The following SEMA6D variants were observed in gnomAD, a reference collection of about 807,000 sequenced individuals.
The protein encoded by SEMA6D is semaphorin 6D, also known as semaphorin-6D.
A neutral mutation model predicts 106.6 loss-of-function variants in SEMA6D; 35 were observed. The observed-to-expected ratio is 0.33, with a 90% CI of 0.25 to 0.44. SEMA6D has a LOEUF of 0.44. Ranked by LOEUF, SEMA6D falls within the 20% of genes least tolerant of loss-of-function variation. The pLI is 1.00. For missense variants in SEMA6D, 1,185 were observed against 1,345.9 expected (o/e 0.88, Z 1.87); for synonymous variants, 499 against 487.7 (o/e 1.02, Z -0.31).
intron 1 of SEMA6D, among the ~76,000 whole-genome samples, chr15:47,228,273 G>A (rs2031944052): frequency 6.6e-6 from 1 of 151,490 alleles, no homozygotes; most frequent in African/African-American, 2.4e-5. Context: ...GCTTTACCAG[G>A]AAGAACATTG....
At chr15:47,556,791 T>C (rs1351507841) in intron 3 of SEMA6D, among the ~76,000 whole-genome samples, 1 of 152,130 alleles carries the variant, frequency 6.6e-6, no homozygotes, top group Non-Finnish European at 1.5e-5. Flanking sequence ...TCTCACAGAA[T>C]TGGACAAAGA....
intron 1 of SEMA6D, among the ~76,000 whole-genome samples, chr15:47,264,053 G>A (rs1366097139): frequency 1.3e-5 from 2 of 151,654 alleles, no homozygotes; most frequent in African/African-American, 4.8e-5. Flanking sequence ...CAGCAACATG[G>A]ATGAAGCTGG....
At chr15:47,386,909 A>G (rs1765629235) in intron 1 of SEMA6D, among the ~76,000 whole-genome samples, 1 of 152,230 alleles carries the variant, frequency 6.6e-6, no homozygotes, top group African/African-American at 2.4e-5. Flanking sequence ...TGCAAATGCA[A>G]TAGGGGTAAG....
At chr15:47,347,057 C>T (rs1488061737) in intron 1 of SEMA6D, among the ~76,000 whole-genome samples, 1 of 152,006 alleles carries the variant, frequency 6.6e-6, no homozygotes, top group African/African-American at 2.4e-5. Context: ...TACAGGCACC[C>T]GCCATCATGT....
intron 1 of SEMA6D, among the ~76,000 whole-genome samples, chr15:47,334,036 T>C (rs2037452192): frequency 6.6e-6 from 1 of 152,182 alleles, no homozygotes; most frequent in Non-Finnish European, 1.5e-5. Flanking sequence ...TTAGGTCTTG[T>C]TGGGTTAAAT....
chr15:47,658,401 A>G (rs977922115), intron 4 of SEMA6D, among the ~76,000 whole-genome samples: 1 of 152,188 alleles, frequency 6.6e-6, no homozygotes, highest in African/African-American at 2.4e-5. Context: ...TCAGCAGGAA[A>G]AAGAAACATT....
At chr15:47,695,402 A>G (rs182439879) in intron 4 of SEMA6D, among the ~76,000 whole-genome samples, 1 of 152,168 alleles carries the variant, frequency 6.6e-6, no homozygotes, top group East Asian at 1.9e-4. Context: ...ATCTCAGCCA[A>G]CACCAGCTGG....
intron 1 of SEMA6D, among the ~76,000 whole-genome samples, chr15:47,383,964 C>T (rs1411347612): frequency 6.6e-6 from 1 of 152,210 alleles, no homozygotes; most frequent in Non-Finnish European, 1.5e-5. Flanking sequence ...TATACAGATT[C>T]ACACACATAG....
chr15:47,439,814 C>T lies in SEMA6D; in HGVS notation c.-159+27342C>T, dbSNP rs535186935. On this transcript the variant is annotated intron_variant, in intron 2 of 19. Transcript: ENST00000558014. ...GACTCACTTAAATTTGTAAAAAATCCTTCACTGGGATACTGCAAAAAATTT... is the reference window on the plus strand; with the variant it reads ...GACTCACTTAAATTTGTAAAAAATCTTTCACTGGGATACTGCAAAAAATTT... 3.3e-5 allele frequency among the ~76,000 whole-genome samples: 5 copies of T among 152,158 alleles called. No individual in the cohort carries two copies. The South Asian group carries it at 1.0e-3, about 32-fold the overall frequency.
At chr15:47,389,148 G>C (rs2039944132) in intron 1 of SEMA6D, among the ~76,000 whole-genome samples, 1 of 152,104 alleles carries the variant, frequency 6.6e-6, no homozygotes, top group African/African-American at 2.4e-5. Context: ...AAGCAACTTA[G>C]CTTCTCTCCC....
chr15:47,765,166 T>C, intron 13 of SEMA6D, 110 bp downstream of exon 13: 3 of 1,480,864 alleles, frequency 2.0e-6, no homozygotes, highest in South Asian at 2.9e-5. Flanking sequence ...TTTGGCATAA[T>C]AGTGTTTTGT....
chr15:47,683,327 T>G (rs2078399158), intron 4 of SEMA6D, among the ~76,000 whole-genome samples: 1 of 152,236 alleles, frequency 6.6e-6, no homozygotes, highest in Admixed American at 6.5e-5. Flanking sequence ...TTTCTGTTTC[T>G]GAGTTATTTC....
chr15:47,379,122 C>A (rs183103242), intron 1 of SEMA6D, among the ~76,000 whole-genome samples: 1 of 152,112 alleles, frequency 6.6e-6, no homozygotes, highest in African/African-American at 2.4e-5. Flanking sequence ...TTTATTGACA[C>A]GGTTAACTGG....
At chr15:47,768,501 C>A in intron 17 of SEMA6D, 80 bp from the exon 18 acceptor site, 1 of 1,226,908 alleles carries the variant, frequency 8.2e-7, no homozygotes, top group Non-Finnish European at 1.1e-6. Context: ...TTTACTCAAA[C>A]TTTATTTAAA....
chr15:47,423,808 T>C (rs1201727666), intron 2 of SEMA6D, among the ~76,000 whole-genome samples: 1 of 152,044 alleles, frequency 6.6e-6, no homozygotes, highest in African/African-American at 2.4e-5. Context: ...TATGTGTCTG[T>C]GCCTTGGTGG....
chr15:47,674,990 C>T (rs1440169035), intron 4 of SEMA6D, among the ~76,000 whole-genome samples: 1 of 152,118 alleles, frequency 6.6e-6, no homozygotes, highest in African/African-American at 2.4e-5. Context: ...AATGGTGAGC[C>T]TCCGCATGAG....
chr15:47,693,083 A>G (rs1172296692), intron 4 of SEMA6D, among the ~76,000 whole-genome samples: 1 of 152,166 alleles, frequency 6.6e-6, no homozygotes, highest in Non-Finnish European at 1.5e-5. Flanking sequence ...GTGTGACCTT[A>G]TTTGGAGATA....
At chr15:47,580,315 G>A (rs1262104272) in intron 3 of SEMA6D, among the ~76,000 whole-genome samples, 3 of 152,112 alleles carry the variant, frequency 2.0e-5, no homozygotes, top group African/African-American at 7.2e-5. Flanking sequence ...GGTTCTACTG[G>A]CATCCATGGT....
At chr15:47,448,248 G>T (rs1194462851) in intron 2 of SEMA6D, among the ~76,000 whole-genome samples, 8 of 152,078 alleles carry the variant, frequency 5.3e-5, no homozygotes, top group Admixed American at 3.9e-4. Context: ...CCTGGGCCGG[G>T]ATCTTTGTTC....
Sources: allele counts gnomAD v4.1 joint callset (sites outside exome capture counted in the v4.1 genomes callset), GRCh38; gene constraint gnomAD v4.1.1; transcripts MANE v1.5; gene names NCBI Gene and HGNC (gene_info 2026-07-23, HGNC 2026-07-21).